The following GALNT13 variants were observed in gnomAD, a reference collection of about 807,000 sequenced individuals.
GALNT13 encodes the protein UDP-GalNAc:polypeptide N-acetylgalactosaminyltransferase 13.
Under a neutral mutation model 64.2 loss-of-function variants are expected in GALNT13, and 28 were observed. The ratio of observed to expected loss-of-function variants is 0.44; its 90% CI spans 0.32 to 0.60. The LOEUF (loss-of-function observed/expected upper bound fraction) is 0.60, where lower values mean the gene tolerates loss of function less well. Ranked by LOEUF, GALNT13 falls within the 20% of genes least tolerant of loss-of-function variation. GALNT13 has a pLI of 0.05. For synonymous variants in GALNT13, 214 were observed against 224.6 expected (o/e 0.95, Z 0.42); for missense variants, 577 against 669.8 (o/e 0.86, Z 1.53).
At chr2:153,834,299 A>G in the GALNT13 span, among the ~76,000 whole-genome samples, 3 of 152,156 alleles carry the variant, frequency 2.0e-5, no homozygotes, top group Admixed American at 1.3e-4. Context: ...CAGATAATAT[A>G]AAAGAATGAA....
At chr2:154,039,103 T>C (rs989693951) in intron 3 of GALNT13, among the ~76,000 whole-genome samples, 3 of 151,742 alleles carry the variant, frequency 2.0e-5, no homozygotes, top group African/African-American at 7.3e-5. Context: ...AAAAGACAAA[T>C]AATAACAAAG....
the GALNT13 span, among the ~76,000 whole-genome samples, chr2:153,071,998 C>T: frequency 2.4e-3 from 362 of 152,272 alleles, no homozygotes; most frequent in Non-Finnish European, 3.9e-3. Context: ...GTCTCTGTTT[C>T]CTTCACCACA....
intron 9 of GALNT13, among the ~76,000 whole-genome samples, chr2:154,308,663 G>A (rs1451367685): frequency 1.3e-5 from 2 of 152,074 alleles, no homozygotes; most frequent in Non-Finnish European, 2.9e-5. Context: ...GTACCCATGA[G>A]TTTTGAACTT....
At chr2:153,642,219 T>C in the GALNT13 span, among the ~76,000 whole-genome samples, 1 of 151,996 alleles carries the variant, frequency 6.6e-6, no homozygotes, top group East Asian at 1.9e-4. Flanking sequence ...TTAAAAACTT[T>C]TGATTTTTAT....
At chr2:154,301,874 C>T (rs1000893074) in intron 9 of GALNT13, among the ~76,000 whole-genome samples, 6 of 150,872 alleles carry the variant, frequency 4.0e-5, no homozygotes, top group African/African-American at 1.2e-4. Flanking sequence ...ATTATTAACT[C>T]GAATTAAGAA....
At chr2:154,019,801 T>C (rs1351994617) in intron 3 of GALNT13, among the ~76,000 whole-genome samples, 1 of 152,014 alleles carries the variant, frequency 6.6e-6, no homozygotes, top group Admixed American at 6.6e-5. Flanking sequence ...GCTGCACCCA[T>C]TAACTCGTTA....
chr2:153,134,253 A>G, the GALNT13 span, among the ~76,000 whole-genome samples: 1 of 152,202 alleles, frequency 6.6e-6, no homozygotes, highest in Non-Finnish European at 1.5e-5. Context: ...TTGTTAAAGC[A>G]TAAATGAAGT....
chr2:154,232,070 CCCAGT>C (rs1309940952), intron 4 of GALNT13, among the ~76,000 whole-genome samples: 1 of 151,676 alleles, frequency 6.6e-6, no homozygotes, highest in African/African-American at 2.4e-5. Flanking sequence ...GAGAGAGAAG[CCCAGT>C]CTAACTCTAG....
the GALNT13 span, among the ~76,000 whole-genome samples, chr2:153,585,840 AATAAAGGAGAAATATTAAGTATC>A: frequency 2.9e-4 from 44 of 152,282 alleles, no homozygotes; most frequent in Middle Eastern, 3.4e-3. Context: ...AAGTATCATA[AATAAAGGAGAAATATTAAGTATC>A]ATAAAGGAGA....
chr2:153,890,100 C>G lies in GALNT13; in HGVS notation c.-176-10836C>G, dbSNP rs144700479. ...GAGTAACACCTGCGAAATAGAGCTA[C>G]ATGTTTTCATGAGGCTATTCTATCA... is the stretch of plus-strand genomic sequence containing the variant. On this transcript the variant is annotated intron_variant, in intron 1 of 12. Transcript: ENST00000392825. Among the ~76,000 whole-genome samples, 574 of 151,932 alleles carry G rather than the reference C, an allele frequency of 3.8e-3. 8 individuals are homozygous for G. Among genetic ancestry groups the G allele is most frequent in the African/African-American group, 0.013 (552 of 41,472 alleles).
At chr2:153,886,993 A>G (rs1419739650) in intron 1 of GALNT13, among the ~76,000 whole-genome samples, 1 of 152,000 alleles carries the variant, frequency 6.6e-6, no homozygotes. Flanking sequence ...AATTACTAGA[A>G]GTATGACAGA....
chr2:153,185,948 G>A, the GALNT13 span, among the ~76,000 whole-genome samples: 2 of 152,002 alleles, frequency 1.3e-5, no homozygotes, highest in Non-Finnish European at 2.9e-5. Context: ...TTTTGGGTTG[G>A]AGAGTTCTGT....
chr2:154,189,148 G>C (rs1365551847), intron 4 of GALNT13, among the ~76,000 whole-genome samples: 2 of 152,172 alleles, frequency 1.3e-5, no homozygotes, highest in Non-Finnish European at 2.9e-5. Context: ...AGTGTATAGA[G>C]ATGGAATGGA....
At chr2:154,225,149 A>AGGTAGAT (rs1553499101) in intron 4 of GALNT13, among the ~76,000 whole-genome samples, 11 of 80,980 alleles carry the variant, frequency 1.4e-4, no homozygotes, top group African/African-American at 5.6e-4. Flanking sequence ...GATAGATGAC[A>AGGTAGAT]GATAGATAGA....
the GALNT13 span, among the ~76,000 whole-genome samples, chr2:153,125,658 G>A: frequency 6.6e-6 from 1 of 152,160 alleles, no homozygotes; most frequent in African/African-American, 2.4e-5. Context: ...AACATATGCA[G>A]ATCTATAAGC....
chr2:153,630,970 C>T, the GALNT13 span, among the ~76,000 whole-genome samples: 1 of 151,008 alleles, frequency 6.6e-6, no homozygotes. Context: ...CTCCCGCCAC[C>T]CCACAACAGG....
At chr2:153,986,709 C>A (rs1214771624) in intron 3 of GALNT13, among the ~76,000 whole-genome samples, 1 of 151,862 alleles carries the variant, frequency 6.6e-6, no homozygotes, top group African/African-American at 2.4e-5. Flanking sequence ...TTGTTGAAAG[C>A]CTCTGAAAGG....
chr2:154,328,288 G>T (rs1181862966), intron 9 of GALNT13, among the ~76,000 whole-genome samples: 1 of 151,964 alleles, frequency 6.6e-6, no homozygotes, highest in East Asian at 1.9e-4. Context: ...GCTTGCTTTT[G>T]ATCTTTTATA....
chr2:153,630,485 C>T, the GALNT13 span, among the ~76,000 whole-genome samples: 2 of 90,518 alleles, frequency 2.2e-5, no homozygotes, highest in Non-Finnish European at 3.9e-5. Flanking sequence ...ACATCACACT[C>T]TGGGGACTGT....
Sources: allele counts gnomAD v4.1 joint callset (sites outside exome capture counted in the v4.1 genomes callset), GRCh38; gene constraint gnomAD v4.1.1; transcripts MANE v1.5; gene names NCBI Gene and HGNC (gene_info 2026-07-23, HGNC 2026-07-21).